GALNT13: variants seen among roughly 807,000 people sequenced by gnomAD.
The protein encoded by GALNT13 is UDP-GalNAc:polypeptide N-acetylgalactosaminyltransferase 13.
Under a neutral mutation model 64.2 loss-of-function variants are expected in GALNT13, and 28 were observed. The ratio of observed to expected loss-of-function variants is 0.44; its 90% confidence interval spans 0.32 to 0.60. The LOEUF (loss-of-function observed/expected upper bound fraction) is 0.60, where lower values mean the gene tolerates loss of function less well. Among genes scored for constraint, GALNT13 ranks in the 20% least tolerant of loss-of-function variants. The pLI is 0.05. For missense variants in GALNT13, 577 were observed against 669.8 expected (o/e 0.86, Z 1.53); for synonymous variants, 214 against 224.6 (o/e 0.95, Z 0.42).
chr2:154,235,263 A>G (rs1454633098), intron 4 of GALNT13, among the ~76,000 whole-genome samples: 1 of 152,210 alleles, frequency 6.6e-6, no homozygotes, highest in Non-Finnish European at 1.5e-5. Context: ...GCAGATGAAT[A>G]CCAATCTGAT....
At chr2:153,229,107 T>C in the GALNT13 span, among the ~76,000 whole-genome samples, 8 of 152,180 alleles carry the variant, frequency 5.3e-5, no homozygotes, top group Admixed American at 5.2e-4. Flanking sequence ...AGATCCAGTT[T>C]TCCATTATGG....
the GALNT13 span, among the ~76,000 whole-genome samples, chr2:153,712,154 A>G: frequency 1.3e-5 from 2 of 152,154 alleles, no homozygotes; most frequent in African/African-American, 4.8e-5. Flanking sequence ...AAAATTATGG[A>G]AACTTGTTCT....
At chr2:154,003,712 G>A (rs539494234) in intron 3 of GALNT13, among the ~76,000 whole-genome samples, 55 of 152,228 alleles carry the variant, frequency 3.6e-4, no homozygotes, top group African/African-American at 1.3e-3. Flanking sequence ...GATCATAGGG[G>A]AGGTTTCTCA....
intron 4 of GALNT13, among the ~76,000 whole-genome samples, chr2:154,199,267 T>C (rs892799644): frequency 2.0e-5 from 3 of 152,026 alleles, no homozygotes; most frequent in African/African-American, 7.2e-5. Flanking sequence ...AGTATACCTA[T>C]TATAGTATTA....
intron 4 of GALNT13, among the ~76,000 whole-genome samples, chr2:154,180,651 A>G (rs1559009060): frequency 6.6e-6 from 1 of 152,168 alleles, no homozygotes; most frequent in Non-Finnish European, 1.5e-5. Flanking sequence ...GTTGCTATTC[A>G]TAATTCTCAC....
At chr2:154,084,625 G>A (rs1418349753) in intron 3 of GALNT13, among the ~76,000 whole-genome samples, 4 of 151,948 alleles carry the variant, frequency 2.6e-5, no homozygotes, top group Non-Finnish European at 5.9e-5. Context: ...TATCTTTCAT[G>A]CCAACTATAA....
chr2:153,758,159 A>G, the GALNT13 span, among the ~76,000 whole-genome samples: 2 of 152,154 alleles, frequency 1.3e-5, no homozygotes, highest in Non-Finnish European at 2.9e-5. Context: ...GCTTTTGTAT[A>G]TGGCATGAGA....
intron 1 of GALNT13, among the ~76,000 whole-genome samples, chr2:153,884,607 T>G (rs890181291): frequency 1.4e-4 from 21 of 151,304 alleles, no homozygotes; most frequent in African/African-American, 4.9e-4. Context: ...AACATGTCAT[T>G]TAAGTTCTCT....
the GALNT13 span, among the ~76,000 whole-genome samples, chr2:153,234,045 T>A: frequency 6.6e-6 from 1 of 152,194 alleles, no homozygotes; most frequent in Non-Finnish European, 1.5e-5. Flanking sequence ...TCACATAATT[T>A]AAGCCATGGT....
At chr2:154,377,405 A>G (rs1460683216) in intron 9 of GALNT13, among the ~76,000 whole-genome samples, 2 of 152,160 alleles carry the variant, frequency 1.3e-5, no homozygotes, top group African/African-American at 4.8e-5. Context: ...AAGAAAAGAA[A>G]GAGGATGGAA....
At chr2:153,782,191 TG>T in the GALNT13 span, among the ~76,000 whole-genome samples, 1 of 152,202 alleles carries the variant, frequency 6.6e-6, no homozygotes, top group Non-Finnish European at 1.5e-5. Context: ...ATCTGAGAAA[TG>T]CCTTCATGCA....
chr2:153,312,471 G>T, the GALNT13 span, among the ~76,000 whole-genome samples: 3 of 152,086 alleles, frequency 2.0e-5, no homozygotes, highest in Admixed American at 2.0e-4. Context: ...AAATGTGTTG[G>T]CTCAAAAAAC....
At chr2:154,052,485 TG>T (rs932745838) in intron 3 of GALNT13, among the ~76,000 whole-genome samples, 4 of 152,154 alleles carry the variant, frequency 2.6e-5, no homozygotes, top group Non-Finnish European at 5.9e-5. Context: ...CTTAGAATTT[TG>T]TGTTTCTTTT....
intron 3 of GALNT13, among the ~76,000 whole-genome samples, chr2:153,994,495 G>A (rs908147434): frequency 6.6e-6 from 1 of 152,212 alleles, no homozygotes; most frequent in Non-Finnish European, 1.5e-5. Context: ...TCGCCACACT[G>A]TCTTCCACAA....
chr2:154,113,277 A>C (rs1287137458), intron 3 of GALNT13, among the ~76,000 whole-genome samples: 1 of 152,174 alleles, frequency 6.6e-6, no homozygotes, highest in Non-Finnish European at 1.5e-5. Flanking sequence ...CACCTCAAGC[A>C]CCATGGGATC....
chr2:154,174,859 T>C (rs1206142090), intron 4 of GALNT13, among the ~76,000 whole-genome samples: 5 of 152,198 alleles, frequency 3.3e-5, no homozygotes, highest in Non-Finnish European at 7.4e-5. Flanking sequence ...GCATGTCTAT[T>C]ATAATAATAA....
At chr2:154,287,393 G>A (rs981854047) in intron 8 of GALNT13, 13 of 500,822 alleles carry the variant, frequency 2.6e-5, no homozygotes, top group Admixed American at 5.4e-5. Flanking sequence ...CCTGCCTGTG[G>A]GGCAGTCCAT....
chr2:154,150,902 T>C (rs183698463), intron 4 of GALNT13, among the ~76,000 whole-genome samples: 1 of 152,306 alleles, frequency 6.6e-6, no homozygotes, highest in East Asian at 1.9e-4. Context: ...ATTAATTTTT[T>C]GAAGGGTTTT....
chr2:153,287,311 G>A, the GALNT13 span, among the ~76,000 whole-genome samples: 1 of 152,174 alleles, frequency 6.6e-6, no homozygotes, highest in Non-Finnish European at 1.5e-5. Context: ...AAACCCCGGT[G>A]GGCGTGTGTT....
Sources: allele counts gnomAD v4.1 joint callset (sites outside exome capture counted in the v4.1 genomes callset), GRCh38; gene constraint gnomAD v4.1.1; transcripts MANE v1.5; gene names NCBI Gene and HGNC (gene_info 2026-07-23, HGNC 2026-07-21).